FNBP1L: variants seen among roughly 807,000 people sequenced by gnomAD.
The protein encoded by FNBP1L is formin binding protein 1 like, also known as formin-binding protein 1-like.
FNBP1L carries 36 observed loss-of-function variants against 91.2 expected under a neutral mutation model. That is an observed-to-expected ratio of 0.39 (90% confidence interval 0.30 to 0.52). The LOEUF (loss-of-function observed/expected upper bound fraction) is 0.52, where lower values mean the gene tolerates loss of function less well. Among genes scored for constraint, FNBP1L ranks in the 20% least tolerant of loss-of-function variants. The probability of loss-of-function intolerance (pLI) is 0.66; values close to 1 mark genes in which losing one functional copy is unlikely to be tolerated. For missense variants in FNBP1L, 571 were observed against 732.1 expected (o/e 0.78, Z 2.54); for synonymous variants, 242 against 237.0 (o/e 1.02, Z -0.19).
At chr1:93,508,751 T>C (rs1487516755) in intron 2 of FNBP1L, among the ~76,000 whole-genome samples, 6 of 152,234 alleles carry the variant, frequency 3.9e-5, no homozygotes, top group African/African-American at 1.4e-4. Flanking sequence ...TTACCCTCTG[T>C]AGTACTCATA....
chr1:93,466,968 T>C (rs760120167), intron 1 of FNBP1L, among the ~76,000 whole-genome samples: 1 of 152,194 alleles, frequency 6.6e-6, no homozygotes, highest in Non-Finnish European at 1.5e-5. Context: ...GCTATTCTCC[T>C]GCCTCAGCCT....
chr1:93,491,013 C>T (rs1399131709), intron 1 of FNBP1L, among the ~76,000 whole-genome samples: 1 of 150,832 alleles, frequency 6.6e-6, no homozygotes, highest in Non-Finnish European at 1.5e-5. Flanking sequence ...GATCATGGCT[C>T]ACTGCAGCCT....
In FNBP1L at chr1:93,489,802, A is replaced by G. The variant is rs1670036996; in HGVS notation, c.25-9666A>G. On this transcript the variant is annotated intron_variant, in intron 1 of 16. Transcript: ENST00000271234. ...TGAGGATAGACATGGTTGATCCTGA[A>G]TGGAAGTTGGTGTTTTAGCTCTATG... Among the ~76,000 whole-genome samples the G allele has an allele frequency of 1.3e-5, 2 of 152,182 alleles. 1 individual carries two copies. Among genetic ancestry groups the G allele is most frequent in the South Asian group, 4.1e-4 (2 of 4,822 alleles).
At chr1:93,524,190 T>C (rs1271088463) in intron 4 of FNBP1L, 71 bp from the exon 5 acceptor site, 3 of 1,272,524 alleles carry the variant, frequency 2.4e-6, no homozygotes, top group African/African-American at 3.1e-5. Flanking sequence ...AGTGTTTAAA[T>C]GTAATTATTT....
chr1:93,533,054 G>C lies in FNBP1L; in HGVS notation c.772G>C (p.Val258Leu). The C allele has an allele frequency of 6.2e-7, 1 of 1,610,164 alleles. No individual in the cohort carries two copies. Among genetic ancestry groups the C allele is most frequent in the Admixed American group, 1.7e-5 (1 of 59,472 alleles). ...AGGAATGATTCTTGCAGCAAAATCA[G>C]TTGATGAAAGAAGAGTAAGTGCTAA... ...LEGMILAAKS[V>L]DERRDSQMVV... is the part of the protein sequence containing the mutation. The change falls in exon 8 of 17, where the codon GTT becomes CTT. Residue 258 changes from valine to leucine, a missense_variant. Val to Leu is a conservative substitution (Grantham distance 32). This residue lies in a region of FNBP1L where 220 missense variants were observed against 313.6 expected (regional missense o/e 0.70). Coordinates refer to ENST00000271234, the MANE Select transcript of FNBP1L (RefSeq NM_001164473.3).
chr1:93,493,923 A>AG (rs1256766606), intron 1 of FNBP1L, among the ~76,000 whole-genome samples: 1 of 152,118 alleles, frequency 6.6e-6, no homozygotes, highest in Non-Finnish European at 1.5e-5. Context: ...CAAACACATG[A>AG]GTTTTTTCCA....
chr1:93,460,409 A>G (rs1668822775), intron 1 of FNBP1L, among the ~76,000 whole-genome samples: 1 of 152,218 alleles, frequency 6.6e-6, no homozygotes, highest in Admixed American at 6.5e-5. Context: ...TCTGTTCTTT[A>G]TAAATTACCC....
At chr1:93,498,760 G>A (rs1382134805) in intron 1 of FNBP1L, among the ~76,000 whole-genome samples, 1 of 152,116 alleles carries the variant, frequency 6.6e-6, no homozygotes, top group African/African-American at 2.4e-5. Context: ...TAGGACAGTG[G>A]TACTCTATTA....
chr1:93,504,113 G>C (rs1670527331), intron 2 of FNBP1L, among the ~76,000 whole-genome samples: 1 of 152,106 alleles, frequency 6.6e-6, no homozygotes, highest in Non-Finnish European at 1.5e-5. Context: ...AGCCTACCTG[G>C]TACCTCTGGA....
intron 2 of FNBP1L, among the ~76,000 whole-genome samples, chr1:93,516,224 A>G (rs1671105304): frequency 6.6e-6 from 1 of 152,142 alleles, no homozygotes; most frequent in Non-Finnish European, 1.5e-5. Context: ...TTTTCTGTTG[A>G]CACTGTGGCT....
intron 2 of FNBP1L, among the ~76,000 whole-genome samples, chr1:93,507,107 ACTCT>A (rs545137195): frequency 4.4e-3 from 198 of 45,266 alleles, no homozygotes; most frequent in African/African-American, 7.6e-3. Context: ...ACACACACAC[ACTCT>A]CTCTCTCTCT....
At chr1:93,511,838 C>T (rs1361515386) in intron 2 of FNBP1L, among the ~76,000 whole-genome samples, 4 of 150,244 alleles carry the variant, frequency 2.7e-5, no homozygotes, top group Admixed American at 1.3e-4. Flanking sequence ...TAGTGGCGGG[C>T]GCCTGTAGTC....
intron 1 of FNBP1L, among the ~76,000 whole-genome samples, chr1:93,449,926 A>T (rs1480710612): frequency 6.6e-6 from 1 of 152,064 alleles, no homozygotes; most frequent in Non-Finnish European, 1.5e-5. Context: ...TGCCTACCAG[A>T]GTGCATTCAT....
At chr1:93,483,466 G>T (rs1199396904) in intron 1 of FNBP1L, among the ~76,000 whole-genome samples, 1 of 152,080 alleles carries the variant, frequency 6.6e-6, no homozygotes. Context: ...TATGTTCAGA[G>T]TATTGCTGTT....
chr1:93,522,001 A>G, intron 2 of FNBP1L, 81 bp from the exon 3 acceptor site: 1 of 808,926 alleles, frequency 1.2e-6, no homozygotes, highest in Non-Finnish European at 1.9e-6. Context: ...TCATGATTGA[A>G]TGAAATTGAA....
In FNBP1L at chr1:93,482,611, G is replaced by A. The variant is rs576949613; in HGVS notation, c.25-16857G>A. On this transcript the variant is annotated intron_variant, in intron 1 of 16. Coordinates refer to ENST00000271234, the MANE Select transcript of FNBP1L (RefSeq NM_001164473.3). Reference sequence around the variant, plus strand: ...TTTATTGAAATGAAAGCTAGTAGCAGGCCAGACACAGTGGCTCACACCTGT... The same window carrying A: ...TTTATTGAAATGAAAGCTAGTAGCAAGCCAGACACAGTGGCTCACACCTGT... Among the ~76,000 whole-genome samples the A allele has an allele frequency of 2.0e-5, 3 of 152,206 alleles. No homozygotes were observed. The South Asian group carries it at 6.2e-4, about 32-fold the overall frequency.
At chr1:93,523,577 G>A (rs1414134483) in intron 4 of FNBP1L, 86 bp downstream of exon 4, 2 of 1,242,894 alleles carry the variant, frequency 1.6e-6, no homozygotes, top group African/African-American at 3.1e-5. Context: ...TGTGTGTTCA[G>A]CATAAACTGG....
chr1:93,545,886 A>G (rs1672207732), intron 12 of FNBP1L, among the ~76,000 whole-genome samples: 3 of 151,924 alleles, frequency 2.0e-5, no homozygotes, highest in Admixed American at 2.0e-4. Flanking sequence ...TATAGATTTA[A>G]TTGCAACAAT....
At chr1:93,455,998 G>C (rs1668645258) in intron 1 of FNBP1L, among the ~76,000 whole-genome samples, 1 of 152,180 alleles carries the variant, frequency 6.6e-6, no homozygotes, top group Non-Finnish European at 1.5e-5. Flanking sequence ...CTGGGCATGG[G>C]GGTACACCCC....
Sources: allele counts gnomAD v4.1 joint callset (sites outside exome capture counted in the v4.1 genomes callset), GRCh38; gene constraint gnomAD v4.1.1; regional missense constraint gnomAD v4.1.1; transcripts MANE v1.5; gene names NCBI Gene and HGNC (gene_info 2026-07-23, HGNC 2026-07-21).